ARHGAP44: variants seen among roughly 807,000 people sequenced by gnomAD.
ARHGAP44 encodes the protein Rho GTPase activating protein 44.
ARHGAP44 carries 43 observed loss-of-function variants against 106.8 expected under a neutral mutation model. That is an observed-to-expected ratio of 0.40 (90% CI 0.32 to 0.52). The LOEUF (loss-of-function observed/expected upper bound fraction) is 0.52. Among genes scored for constraint, ARHGAP44 ranks in the 20% least tolerant of loss-of-function variants. The pLI is 0.48. For synonymous variants in ARHGAP44, 439 were observed against 410.3 expected (o/e 1.07, Z -0.85); for missense variants, 866 against 1,050.5 (o/e 0.82, Z 2.43).
rs2039180696 is a variant in ARHGAP44 at position 12,958,449 on chromosome 17, A to G, written c.1343-268A>G. 6.6e-6 allele frequency among the ~76,000 whole-genome samples: 1 copy of G among 151,322 alleles called. No individual in the cohort carries two copies. The highest frequency in any genetic ancestry group is 2.1e-4 in the South Asian group (1 of 4,786). On this transcript the variant is annotated intron_variant, in intron 15 of 20. Transcript: ENST00000379672. The surrounding 1 kb of genome is among the most constrained non-coding windows in gnomAD (Gnocchi z 4.1). ...AGGTTTTAGAAAGATGATTTCATAT[A>G]TTTCAGAAAGTATCCGTTCCTGTTT...
rs1016544558 is a variant in ARHGAP44 at position 12,955,405 on chromosome 17, G to T, written c.1137-462G>T. Among the ~76,000 whole-genome samples the T allele has an allele frequency of 2.0e-5, 3 of 152,272 alleles. No homozygotes were observed. The East Asian group carries it at 5.8e-4, about 29-fold the overall frequency. On this transcript the variant is annotated intron_variant, in intron 13 of 20. Transcript: ENST00000379672. ...AATTGCTGGATCATATACTAAGTCT[G>T]TGTTGGACTTTTTCTTTATTAGATC...
At chr17:12,956,289 C>T (rs538308201) in intron 14 of ARHGAP44, among the ~76,000 whole-genome samples, 1 of 152,212 alleles carries the variant, frequency 6.6e-6, no homozygotes, top group South Asian at 2.1e-4. Flanking sequence ...AGCTCTTAGA[C>T]TCTGTCATAA....
chr17:12,955,777 T>A, intron 13 of ARHGAP44, 90 bp from the exon 14 acceptor site: 1 of 724,750 alleles, frequency 1.4e-6, no homozygotes. Context: ...CAGTGAGATA[T>A]GTGACATGAG....
chr17:12,843,661 T>TC (rs1391530713), intron 1 of ARHGAP44, among the ~76,000 whole-genome samples: 1 of 145,232 alleles, frequency 6.9e-6, no homozygotes, highest in Admixed American at 6.8e-5. Context: ...CTTTTTTTTT[T>TC]TTTTTTTTTT....
chr17:12,951,812 A>G (rs1434827425), intron 12 of ARHGAP44, among the ~76,000 whole-genome samples: 3 of 152,194 alleles, frequency 2.0e-5, no homozygotes, highest in African/African-American at 7.2e-5. Flanking sequence ...AGCTTTTTAA[A>G]GATACTAATG....
chr17:12,948,349 C>A (rs1356633991), intron 10 of ARHGAP44, among the ~76,000 whole-genome samples: 1 of 152,174 alleles, frequency 6.6e-6, no homozygotes, highest in Non-Finnish European at 1.5e-5. Flanking sequence ...GTCTGCCCTT[C>A]CCCTGAAGGC....
chr17:12,825,930 A>G (rs1470904839), intron 1 of ARHGAP44, among the ~76,000 whole-genome samples: 1 of 152,304 alleles, frequency 6.6e-6, no homozygotes, highest in East Asian at 1.9e-4. Context: ...CCTGTAGCCA[A>G]TGCCAGTGAG....
intron 1 of ARHGAP44, among the ~76,000 whole-genome samples, chr17:12,841,491 A>G (rs118036585): frequency 0.037 from 5,642 of 151,836 alleles, 134 homozygotes; most frequent in East Asian, 0.054. Context: ...AGGCTAAGGC[A>G]GGAGAATTGC....
At chr17:12,827,792 G>A (rs1293639190) in intron 1 of ARHGAP44, among the ~76,000 whole-genome samples, 2 of 151,968 alleles carry the variant, frequency 1.3e-5, no homozygotes, top group Admixed American at 1.3e-4. Flanking sequence ...CCTTGATGAA[G>A]TCTCTTACTG....
chr17:12,893,836 G>T (rs564882091), intron 1 of ARHGAP44, among the ~76,000 whole-genome samples: 2 of 152,176 alleles, frequency 1.3e-5, no homozygotes, highest in South Asian at 4.1e-4. Flanking sequence ...GAGCCTCTTG[G>T]TGTTTTAGGT....
chr17:12,965,929 G>A (rs2039379004), intron 16 of ARHGAP44, among the ~76,000 whole-genome samples: 1 of 152,052 alleles, frequency 6.6e-6, no homozygotes, highest in South Asian at 2.1e-4. Flanking sequence ...GAGGCAGGAG[G>A]ACTGCTTGAG....
chr17:12,923,937 TC>T (rs533406774), intron 6 of ARHGAP44, among the ~76,000 whole-genome samples: 12 of 151,978 alleles, frequency 7.9e-5, no homozygotes, highest in East Asian at 1.9e-4. Flanking sequence ...TTCTGAATGC[TC>T]CCCCCCTACC....
chr17:12,955,591 A>G (rs2039106928), intron 13 of ARHGAP44, among the ~76,000 whole-genome samples: 1 of 152,178 alleles, frequency 6.6e-6, no homozygotes, highest in South Asian at 2.1e-4. Flanking sequence ...TCAGGTCATT[A>G]TATACTGAGT....
intron 3 of ARHGAP44, among the ~76,000 whole-genome samples, chr17:12,897,535 A>G (rs144650522): frequency 2.1e-4 from 32 of 151,770 alleles, no homozygotes; most frequent in African/African-American, 6.3e-4. Context: ...TCTGAAAAAT[A>G]TCTATAGAAA....
chr17:12,984,628 G>A lies in ARHGAP44; in HGVS notation c.2037G>A (p.Leu679=). The A allele has an allele frequency of 2.5e-6, 4 of 1,611,774 alleles. No homozygotes were observed. In the East Asian group the frequency reaches 8.9e-5, roughly 36 times the overall value. ...CTGGCCAGCCGTCCCCAGTCAGCCT[G>A]TCCCCCACCCCGCCCAGCACCCCGT... The part of the protein sequence containing the change: ...QSAGQPSPVS[L]SPTPPSTPSP... Residue 679 remains leucine (L), a synonymous_variant, in exon 20 of 21, where the codon CTG becomes CTA. Transcript: ENST00000379672.
At chr17:12,793,180 T>C (rs1171062601) in intron 1 of ARHGAP44, among the ~76,000 whole-genome samples, 3 of 152,342 alleles carry the variant, frequency 2.0e-5, no homozygotes, top group Non-Finnish European at 4.4e-5. Flanking sequence ...TGTGGTAATG[T>C]GGTAACCACA....
At chr17:12,964,786 C>CAA (rs996352478) in intron 16 of ARHGAP44, among the ~76,000 whole-genome samples, 1 of 150,496 alleles carries the variant, frequency 6.6e-6, no homozygotes, top group Admixed American at 6.6e-5. Context: ...GACTCTGTCT[C>CAA]AAAAAAAACA....
At chr17:12,818,146 A>G (rs184609133) in intron 1 of ARHGAP44, among the ~76,000 whole-genome samples, 3 of 152,094 alleles carry the variant, frequency 2.0e-5, no homozygotes, top group Non-Finnish European at 2.9e-5. Context: ...CATTATGACC[A>G]AGTGAGGTTT....
chr17:12,940,959 T>G, intron 7 of ARHGAP44, 97 bp from the exon 8 acceptor site: 1 of 966,292 alleles, frequency 1.0e-6, no homozygotes, highest in Non-Finnish European at 1.6e-6. Context: ...GATTAAGCAG[T>G]GTTTAAGGCT....
Sources: allele counts gnomAD v4.1 joint callset (sites outside exome capture counted in the v4.1 genomes callset), GRCh38; gene constraint gnomAD v4.1.1; non-coding constraint Gnocchi (gnomAD v3.1); transcripts MANE v1.5; gene names NCBI Gene and HGNC (gene_info 2026-07-23, HGNC 2026-07-21).